The following ZCWPW2 variants were observed in gnomAD, a reference collection of about 807,000 sequenced individuals.
ZCWPW2 encodes the protein zinc finger CW-type and PWWP domain containing 2, also known as zinc finger CW-type PWWP domain protein 2.
Under a neutral mutation model 46.6 loss-of-function variants are expected in ZCWPW2, and 45 were observed. The observed-to-expected ratio is 0.96, with a 90% CI of 0.76 to 1.24. ZCWPW2 has a LOEUF of 1.24. Ranked by LOEUF, ZCWPW2 falls within the 50% of genes most tolerant of loss-of-function variation. ZCWPW2 has a pLI of 0.00. For synonymous variants in ZCWPW2, 152 were observed against 137.1 expected, an observed-to-expected ratio of 1.11 and a Z score of -0.76; for missense variants, 429 against 403.9, an observed-to-expected ratio of 1.06 and a Z score of -0.53.
At chr3:28,355,511 T>C (rs1471372649) in intron 1 of ZCWPW2, among the ~76,000 whole-genome samples, 2 of 152,216 alleles carry the variant, frequency 1.3e-5, no homozygotes, top group Non-Finnish European at 2.9e-5. Flanking sequence ...TTAAAGTTCA[T>C]ATGGAACCAA....
intron 1 of ZCWPW2, among the ~76,000 whole-genome samples, chr3:28,350,838 A>C (rs1313698104): frequency 6.6e-6 from 1 of 151,922 alleles, no homozygotes; most frequent in African/African-American, 2.4e-5. Flanking sequence ...ATGGTTAGAT[A>C]ATTGTTAAGC....
chr3:28,354,182 G>C (rs936082197), intron 1 of ZCWPW2, among the ~76,000 whole-genome samples: 1 of 151,802 alleles, frequency 6.6e-6, no homozygotes, highest in South Asian at 2.1e-4. Context: ...TATCACCACC[G>C]ATCCCACAGA....
At position 28,427,650 on chromosome 3, in the gene ZCWPW2, T is replaced by A. The variant is rs564115065; in HGVS notation, c.333-7460T>A. 5.3e-5 allele frequency among the ~76,000 whole-genome samples: 8 copies of A among 152,338 alleles called. No individual in the cohort carries two copies. The East Asian group carries it at 1.5e-3, about 29-fold the overall frequency. The stretch of plus-strand genomic sequence containing the variant: ...TTTGAGGGTCGTCTCTGTTTTTATT[T>A]ATAAAGTAATAATTTAAAATGAATA... On this transcript the variant is annotated intron_variant, in intron 3 of 9. Coordinates refer to ENST00000383768, the MANE Select transcript of ZCWPW2 (RefSeq NM_001040432.4).
intron 2 of ZCWPW2, among the ~76,000 whole-genome samples, chr3:28,395,457 C>G (rs1042394916): frequency 2.6e-5 from 4 of 152,118 alleles, no homozygotes; most frequent in African/African-American, 9.7e-5. Context: ...TATTTCCAAT[C>G]CCATGTTAAC....
At chr3:28,421,913 C>G (rs1185858029) in intron 3 of ZCWPW2, among the ~76,000 whole-genome samples, 1 of 145,076 alleles carries the variant, frequency 6.9e-6, no homozygotes, top group Non-Finnish European at 1.5e-5. Flanking sequence ...GTTCCAGAGC[C>G]CTTATTTTAT....
intron 1 of ZCWPW2, among the ~76,000 whole-genome samples, chr3:28,363,808 A>G (rs915247922): frequency 4.6e-5 from 7 of 152,072 alleles, no homozygotes; most frequent in East Asian, 3.9e-4. Context: ...AGAAACCACA[A>G]TTAAACTTCT....
chr3:28,395,186 A>T (rs1695645948), intron 2 of ZCWPW2, among the ~76,000 whole-genome samples: 1 of 152,126 alleles, frequency 6.6e-6, no homozygotes, highest in Admixed American at 6.6e-5. Context: ...ATCATCAGGG[A>T]AATGCAAATC....
At chr3:28,366,821 G>A (rs1351519654) in intron 1 of ZCWPW2, among the ~76,000 whole-genome samples, 2 of 152,124 alleles carry the variant, frequency 1.3e-5, no homozygotes, top group Non-Finnish European at 2.9e-5. Flanking sequence ...CAATTTCAGA[G>A]CCTGTTATTG....
intron 1 of ZCWPW2, among the ~76,000 whole-genome samples, chr3:28,375,252 T>TTTC (rs771094965): frequency 1.3e-5 from 2 of 151,948 alleles, no homozygotes; most frequent in African/African-American, 2.4e-5. Flanking sequence ...TTGAAGTGAG[T>TTTC]TTCTTGTAGG....
intron 8 of ZCWPW2, among the ~76,000 whole-genome samples, chr3:28,517,862 A>G (rs200762786): frequency 6.6e-6 from 1 of 152,134 alleles, no homozygotes; most frequent in African/African-American, 2.4e-5. Context: ...GGGGCTGGGC[A>G]TGGTGGCTCA....
intron 4 of ZCWPW2, among the ~76,000 whole-genome samples, chr3:28,440,015 C>T (rs1303275566): frequency 6.6e-6 from 1 of 152,126 alleles, no homozygotes; most frequent in Non-Finnish European, 1.5e-5. Flanking sequence ...CCAAAACCTT[C>T]ATTCCTGAGG....
At chr3:28,351,222 G>C (rs189571922) in intron 1 of ZCWPW2, among the ~76,000 whole-genome samples, 5 of 149,740 alleles carry the variant, frequency 3.3e-5, no homozygotes, top group African/African-American at 1.2e-4. Flanking sequence ...AAATTGTCCT[G>C]TCTACATGTT....
At chr3:28,380,302 C>T (rs1321731310) in intron 1 of ZCWPW2, among the ~76,000 whole-genome samples, 1 of 151,952 alleles carries the variant, frequency 6.6e-6, no homozygotes, top group Non-Finnish European at 1.5e-5. Flanking sequence ...TTTTTTTATG[C>T]TGGACTCCTT....
In ZCWPW2 at chr3:28,413,494, G is replaced by C. The variant is rs76961795; in HGVS notation, c.332+94G>C. 1.1e-3 allele frequency: 1,233 copies of C among 1,104,896 alleles called. 11 individuals are homozygous for C. In the African/African-American group the frequency reaches 0.018, roughly 16 times the overall value. The allele number at this position is 1,104,896 out of a possible 1,614,324, so 68.4% of individuals were successfully genotyped here. A position where few individuals can be genotyped will look rare whatever the true frequency, so the allele number is the denominator to read the frequency against. ...TTTGAAGACTAAACATTTTTCTTTTGTCTACTTGTTTCTTGATTTATCATT... is the reference window on the plus strand; with the variant it reads ...TTTGAAGACTAAACATTTTTCTTTTCTCTACTTGTTTCTTGATTTATCATT... On this transcript the variant is annotated intron_variant, in intron 3 of 9. Coordinates refer to ENST00000383768, the MANE Select transcript of ZCWPW2 (RefSeq NM_001040432.4).
intron 1 of ZCWPW2, among the ~76,000 whole-genome samples, chr3:28,367,395 G>A (rs772058223): frequency 6.6e-5 from 10 of 152,048 alleles, no homozygotes; most frequent in Admixed American, 3.3e-4. Context: ...CCTTCATTTC[G>A]TTATGTACCC....
intron 2 of ZCWPW2, among the ~76,000 whole-genome samples, chr3:28,409,234 C>T (rs1430098598): frequency 6.7e-6 from 1 of 149,732 alleles, no homozygotes; most frequent in Non-Finnish European, 1.5e-5. Context: ...ATTCTCCTGC[C>T]TCAGCCTTGC....
In ZCWPW2 at chr3:28,390,492, C is replaced by T; in HGVS notation, c.-133-6C>T. On this transcript the variant is annotated splice_region_variant and splice_polypyrimidine_tract_variant and intron_variant, in intron 1 of 9. Coordinates refer to ENST00000383768, the MANE Select transcript of ZCWPW2 (RefSeq NM_001040432.4). ...AATTTGCTAGATTGATGTATAACTT[C>T]TTCAGATTCATCCCAGTAGAACGCC... 1.0e-6 allele frequency: 1 copy of T among 985,272 alleles called. No individual in the cohort carries two copies. 61.0% of individuals were successfully genotyped at this position (985,272 alleles called of 1,614,324 possible).
intron 4 of ZCWPW2, among the ~76,000 whole-genome samples, chr3:28,458,237 T>A (rs1274403968): frequency 6.6e-6 from 1 of 152,214 alleles, no homozygotes; most frequent in Non-Finnish European, 1.5e-5. Flanking sequence ...ACTCAGTGCC[T>A]CTACTTTCTC....
Position 28,492,173 on chromosome 3 carries a change from G to C in ZCWPW2, c.657G>C (p.Arg219Ser). ...AAGTTGCTGCACTGGTCAAGAAAAG[G>C]GTAAGATTGTGTTTTATTATATAAA... Reference protein sequence around the residue: ...HDKVAALVKKRKQTSKNNIEK... With the variant: ...HDKVAALVKKSKQTSKNNIEK... The change falls in exon 6 of 10, where the codon AGG becomes AGC. Residue 219 changes from arginine to serine, a missense_variant and splice_region_variant. Arg to Ser is a moderately radical substitution (Grantham distance 110). Transcript: ENST00000383768. The C allele has an allele frequency of 6.2e-7, 1 of 1,600,438 alleles. No individual in the cohort carries two copies. Among genetic ancestry groups the C allele is most frequent in the Non-Finnish European group, 8.5e-7 (1 of 1,173,802 alleles).
Sources: gnomAD v4.1 joint callset for allele counts (sites outside exome capture counted in the v4.1 genomes callset) on GRCh38, gnomAD v4.1.1 for gene constraint, MANE v1.5 for transcripts, NCBI Gene and HGNC (gene_info 2026-07-23, HGNC 2026-07-21) for gene names.